TTC7A: variants seen among roughly 807,000 people sequenced by gnomAD.
TTC7A encodes the protein tetratricopeptide repeat domain 7A.
A neutral mutation model predicts 103.7 loss-of-function variants in TTC7A; 110 were observed. The observed-to-expected ratio is 1.06, with a 90% CI of 0.91 to 1.24. The LOEUF (loss-of-function observed/expected upper bound fraction) is 1.24. Among genes scored for constraint, TTC7A ranks in the 50% most tolerant of loss-of-function variants. TTC7A has a pLI of 0.00. For missense variants in TTC7A, 1,340 were observed against 1,116.3 expected (o/e 1.20, Z -2.86); for synonymous variants, 521 against 467.9 (o/e 1.11, Z -1.47).
intron 18 of TTC7A, chr2:47,054,352 G>A (rs1166896051): frequency 5.4e-6 from 1 of 186,216 alleles, no homozygotes; most frequent in Non-Finnish European, 1.0e-5. Context: ...ATGGCTCTCT[G>A]CCACATTCAC....
At chr2:47,006,084 C>G (rs562093091) in intron 9 of TTC7A, 25 bp downstream of exon 9, 1 of 1,608,228 alleles carries the variant, frequency 6.2e-7, no homozygotes, top group Admixed American at 1.7e-5. Flanking sequence ...GCAGCCCACC[C>G]CACTCTCCGG....
intron 8 of TTC7A, among the ~76,000 whole-genome samples, chr2:47,004,895 G>T (rs897280718): frequency 2.6e-5 from 4 of 151,970 alleles, no homozygotes; most frequent in African/African-American, 9.7e-5. Flanking sequence ...CCTGCGTGTT[G>T]CCCCCAGGGT....
At chr2:46,921,208 C>A (rs1299713937) in intron 2 of TTC7A, among the ~76,000 whole-genome samples, 2 of 152,084 alleles carry the variant, frequency 1.3e-5, no homozygotes, top group African/African-American at 4.8e-5. Flanking sequence ...GGCATGCAGA[C>A]TGGGAAGAAA....
intron 16 of TTC7A, among the ~76,000 whole-genome samples, chr2:47,049,597 G>A (rs560747746): frequency 6.6e-6 from 1 of 152,136 alleles, no homozygotes; most frequent in Non-Finnish European, 1.5e-5. Context: ...GGCTTTCCTT[G>A]GCAGTCAGTC....
chr2:47,006,007 A>T lies in TTC7A; in HGVS notation c.1151A>T (p.Asp384Val), dbSNP rs756438172. 8.1e-6 allele frequency: 13 copies of T among 1,612,246 alleles called. No homozygotes were observed. In the East Asian group the frequency reaches 2.9e-4, roughly 36 times the overall value. ...VSLQNAAAIY[D>V]LLSITLGRRG... Reference sequence around the variant, plus strand: ...TTGCAGAATGCCGCAGCCATCTATGACCTCCTGAGCATCACGTTGGGCAGA... The same window carrying T: ...TTGCAGAATGCCGCAGCCATCTATGTCCTCCTGAGCATCACGTTGGGCAGA... The change falls in exon 9 of 20, where the codon GAC becomes GTC. Residue 384 changes from aspartate to valine, a missense_variant. Physicochemically the swap from Asp to Val is radical, Grantham distance 152 (BLOSUM62 -3). Transcript: ENST00000319190.
intron 5 of TTC7A, among the ~76,000 whole-genome samples, chr2:46,984,685 T>C (rs2104317719): frequency 6.6e-6 from 1 of 152,284 alleles, no homozygotes; most frequent in Non-Finnish European, 1.5e-5. Context: ...GCTTTGCTTC[T>C]GCTGGGGGCC....
chr2:47,035,689 A>G (rs968575393), intron 15 of TTC7A: 1 of 152,230 alleles, frequency 6.6e-6, no homozygotes, highest in Non-Finnish European at 1.5e-5. Context: ...TTTGTTTTCA[A>G]AGGTGATGGT....
At chr2:47,045,626 AT>A (rs1558622197) in intron 15 of TTC7A, 1 of 152,284 alleles carries the variant, frequency 6.6e-6, no homozygotes, top group Admixed American at 6.5e-5. Flanking sequence ...CTTTAATCCT[AT>A]GGATTATATA....
intron 19 of TTC7A, among the ~76,000 whole-genome samples, chr2:47,071,912 T>C (rs1211791765): frequency 6.6e-6 from 1 of 152,262 alleles, no homozygotes; most frequent in East Asian, 1.9e-4. Flanking sequence ...ACTCCGGCCC[T>C]GGCCCTCTCT....
intron 18 of TTC7A, among the ~76,000 whole-genome samples, chr2:47,054,678 C>CA (rs1198909774): frequency 3.3e-5 from 5 of 151,834 alleles, no homozygotes; most frequent in Admixed American, 1.3e-4. Flanking sequence ...ACTAAAAATA[C>CA]AAAAAAATTA....
intron 13 of TTC7A, 116 bp downstream of exon 13, chr2:47,023,581 A>G: frequency 8.9e-6 from 10 of 1,128,848 alleles, no homozygotes; most frequent in Non-Finnish European, 1.3e-5. Context: ...TCTCCATTTT[A>G]CAGATGAGGG....
rs145556823 is a variant in TTC7A, at chr2:46,930,517, T to TTTG, written c.82+13240_82+13241insTTG. On this transcript the variant is annotated intron_variant, in intron 2 of 20. Coordinates refer to the TTC7A transcript ENST00000409245. ...CTATAATTTTTTTTTTTTTTTTTTT[T>TTTG]AGACAAAGTCTCACTCTTGTACCCC... 2.5e-3 allele frequency among the ~76,000 whole-genome samples: 364 copies of TTTG among 145,860 alleles called. 1 individual carries two copies. The highest frequency in any genetic ancestry group is 9.1e-3 in the African/African-American group (352 of 38,696).
intron 3 of TTC7A, among the ~76,000 whole-genome samples, chr2:46,966,187 G>C (rs1023496782): frequency 6.6e-6 from 1 of 152,142 alleles, no homozygotes; most frequent in Admixed American, 6.5e-5. Context: ...GACCTCAGAT[G>C]ATCCTCCCGC....
chr2:46,936,785 A>T (rs1392382481), upstream of TTC7A, among the ~76,000 whole-genome samples: 1 of 152,204 alleles, frequency 6.6e-6, no homozygotes, highest in Non-Finnish European at 1.5e-5. Context: ...CAAAGTGAAC[A>T]CAATTCCAAA....
intron 18 of TTC7A, among the ~76,000 whole-genome samples, chr2:47,055,951 G>A (rs1349999411): frequency 6.6e-6 from 1 of 152,090 alleles, no homozygotes; most frequent in East Asian, 1.9e-4. Context: ...CCCCCCTCCT[G>A]TCTTCATTCA....
chr2:47,044,378 A>G (rs1226674018), intron 15 of TTC7A, among the ~76,000 whole-genome samples: 1 of 152,110 alleles, frequency 6.6e-6, no homozygotes, highest in Admixed American at 6.5e-5. Context: ...GGCCCCTGAT[A>G]CTTATGGAGT....
At chr2:46,967,948 T>A (rs1272663602) in intron 3 of TTC7A, among the ~76,000 whole-genome samples, 1 of 152,016 alleles carries the variant, frequency 6.6e-6, no homozygotes, top group African/African-American at 2.4e-5. Context: ...AGTCTGGGAT[T>A]CATCTTCCGT....
chr2:47,004,797 C>G (rs193198027), intron 8 of TTC7A, among the ~76,000 whole-genome samples: 5 of 152,210 alleles, frequency 3.3e-5, no homozygotes, highest in Admixed American at 1.3e-4. Context: ...AGAGTGTCCT[C>G]TGCCTAAGTC....
chr2:47,024,991 G>A (rs1019608147), intron 14 of TTC7A, among the ~76,000 whole-genome samples: 1 of 152,118 alleles, frequency 6.6e-6, no homozygotes, highest in Non-Finnish European at 1.5e-5. Flanking sequence ...GCAGGCTGGC[G>A]CTCTGGGCAT....
Sources: allele counts gnomAD v4.1 joint callset (sites outside exome capture counted in the v4.1 genomes callset), GRCh38; gene constraint gnomAD v4.1.1; transcripts MANE v1.5; gene names NCBI Gene and HGNC (gene_info 2026-07-23, HGNC 2026-07-21).